The following IL5RA variants were observed in gnomAD, a reference collection of about 807,000 sequenced individuals.
The protein encoded by IL5RA is interleukin-5 receptor subunit alpha.
Under a neutral mutation model 50.0 loss-of-function variants are expected in IL5RA, and 49 were observed. The ratio of observed to expected loss-of-function variants is 0.98; its 90% CI spans 0.78 to 1.24. The LOEUF (loss-of-function observed/expected upper bound fraction) is 1.24, where lower values mean the gene tolerates loss of function less well. Among genes scored for constraint, IL5RA ranks in the 50% most tolerant of loss-of-function variants. The pLI, the probability that IL5RA is intolerant of heterozygous loss-of-function variation, is 0.00. For missense variants in IL5RA, 600 were observed against 500.4 expected, an observed-to-expected ratio of 1.20 and a Z score of -1.90; for synonymous variants, 202 against 174.0, an observed-to-expected ratio of 1.16 and a Z score of -1.26.
intron 2 of IL5RA, 139 bp from the exon 3 acceptor site, chr3:3,105,126 A>G: frequency 1.7e-6 from 1 of 597,202 alleles, no homozygotes; most frequent in Admixed American, 2.9e-5. Context: ...CAAAAAGTAC[A>G]AACATGACCA....
chr3:3,095,617 A>G (rs1440289687), intron 7 of IL5RA, among the ~76,000 whole-genome samples, 173 bp from the exon 8 acceptor site: 3 of 152,162 alleles, frequency 2.0e-5, no homozygotes, highest in Non-Finnish European at 2.9e-5. Context: ...GTGGCCTCCC[A>G]TAATACTCTT....
chr3:3,087,409 A>G (rs1447109270), intron 9 of IL5RA, among the ~76,000 whole-genome samples: 1 of 152,164 alleles, frequency 6.6e-6, no homozygotes, highest in Non-Finnish European at 1.5e-5. Flanking sequence ...AGCCTCTCCC[A>G]GCTCACCTTA....
At chr3:3,103,441 A>G (rs569711151) in intron 3 of IL5RA, among the ~76,000 whole-genome samples, 1 of 152,364 alleles carries the variant, frequency 6.6e-6, no homozygotes, top group African/African-American at 2.4e-5. Context: ...ATCAAACATA[A>G]TAAGAGCTGT....
chr3:3,068,871 A>C lies in IL5RA; in HGVS notation c.*1354T>G, dbSNP rs1702209163. 1 of 152,188 alleles carries C rather than the reference A, an allele frequency of 6.6e-6. No individual in the cohort carries two copies. The highest frequency in any genetic ancestry group is 1.5e-5 in the Non-Finnish European group (1 of 68,038). The allele number at this position is 152,188 out of a possible 1,614,324, so 9.4% of individuals were successfully genotyped here. A position where few individuals can be genotyped will look rare whatever the true frequency, so the allele number is the denominator to read the frequency against. ...ATGGGACAGTAATACAGATTACTAT[A>C]AGACAGTGCAGGCTTGTCAAGATTC... On this transcript the variant is annotated 3_prime_UTR_variant, in exon 12 of 12. Coordinates refer to ENST00000446632, the MANE Select transcript of IL5RA (RefSeq NM_175726.4).
chr3:3,095,471 A>ATTTT, intron 7 of IL5RA, 27 bp from the exon 8 acceptor site: 2 of 1,299,930 alleles, frequency 1.5e-6, no homozygotes, highest in Non-Finnish European at 2.1e-6. Flanking sequence ...AAGATCAGTG[A>ATTTT]TTTTTTTTTT....
intron 2 of IL5RA, among the ~76,000 whole-genome samples, chr3:3,107,203 G>A (rs910434357): frequency 6.6e-6 from 1 of 151,760 alleles, no homozygotes; most frequent in African/African-American, 2.4e-5. Flanking sequence ...TGTCCTATAG[G>A]CAGCACAAGG....
At chr3:3,071,255 G>C (rs576427225) in intron 11 of IL5RA, among the ~76,000 whole-genome samples, 1 of 152,212 alleles carries the variant, frequency 6.6e-6, no homozygotes, top group South Asian at 2.1e-4. Flanking sequence ...AATAGTTTAC[G>C]GGCAACCTAA....
Position 3,097,901 on chromosome 3 carries a change from G to A in IL5RA, c.678C>T (p.Pro226=), listed in dbSNP as rs1192239165. 2.5e-6 allele frequency: 4 copies of A among 1,614,102 alleles called. No homozygotes were observed. The highest frequency in any genetic ancestry group is 1.1e-5 in the South Asian group (1 of 91,068). The part of the protein sequence containing the change: ...NGSSKHSAIR[P]FDQLFALHAI... ...CGTGAAGGGCAAACAGCTGATCAAA[G>A]GGCCTGATAGCAGAGTGCTTGCTGG... The change falls in exon 7 of 12, where the codon CCC becomes CCT. Residue 226 remains proline, a synonymous_variant. Transcript: ENST00000446632.
chr3:3,098,342 T>C, intron 5 of IL5RA, 52 bp from the exon 6 acceptor site: 1 of 1,502,914 alleles, frequency 6.7e-7, no homozygotes, highest in Non-Finnish European at 9.2e-7. Context: ...AAACTCTGAA[T>C]TTCATGCTTC....
intron 9 of IL5RA, among the ~76,000 whole-genome samples, chr3:3,078,112 G>A (rs896372975): frequency 3.3e-5 from 5 of 152,118 alleles, no homozygotes; most frequent in Admixed American, 6.5e-5. Flanking sequence ...AATGACGAGC[G>A]TGCTAAATAC....
intron 9 of IL5RA, among the ~76,000 whole-genome samples, chr3:3,081,011 T>G (rs13075797): frequency 0.14 from 21,201 of 152,078 alleles, 1,608 homozygotes; most frequent in East Asian, 0.27. Flanking sequence ...GCTATAGTAT[T>G]TTTTTTCAAG....
At chr3:3,099,658 T>TTTATTATTATCA (rs1703545981) in intron 5 of IL5RA, among the ~76,000 whole-genome samples, 1 of 144,280 alleles carries the variant, frequency 6.9e-6, no homozygotes, top group Non-Finnish European at 1.5e-5. Flanking sequence ...TTTTATTTTA[T>TTTATTATTATCA]TTATTATTAT....
chr3:3,106,930 T>G (rs1703950311), intron 2 of IL5RA, among the ~76,000 whole-genome samples: 1 of 152,192 alleles, frequency 6.6e-6, no homozygotes, highest in African/African-American at 2.4e-5. Flanking sequence ...CATGTATTTA[T>G]CCTTTGCAAT....
chr3:3,089,971 G>A (rs1703021350), intron 9 of IL5RA: 1 of 448,804 alleles, frequency 2.2e-6, no homozygotes, highest in Non-Finnish European at 4.0e-6. Flanking sequence ...GCAGAATCCT[G>A]TCCCACCATG....
At chr3:3,083,051 G>A (rs770137709) in intron 9 of IL5RA, among the ~76,000 whole-genome samples, 26 of 152,308 alleles carry the variant, frequency 1.7e-4, no homozygotes, top group Non-Finnish European at 2.6e-4. Flanking sequence ...AACAGGGTTG[G>A]ATAATTGAGA....
chr3:3,099,266 C>A (rs756365483), intron 5 of IL5RA, among the ~76,000 whole-genome samples: 2 of 152,128 alleles, frequency 1.3e-5, no homozygotes, highest in Non-Finnish European at 2.9e-5. Flanking sequence ...GAGGCCAAGG[C>A]GGGTGGATAT....
rs544281244 is a variant in IL5RA at position 3,069,459 on chromosome 3, T to C, written c.*766A>G. 1 of 152,360 alleles carries C rather than the reference T, an allele frequency of 6.6e-6. No individual in the cohort carries two copies. Among genetic ancestry groups the C allele is most frequent in the African/African-American group, 2.4e-5 (1 of 41,590 alleles). The allele number at this position is 152,360 out of a possible 1,614,324, so 9.4% of individuals were successfully genotyped here. ...CCTTTCATGATTGAATTATGCTCAATGACTTCCTCAGCACATTTCCAGAAT... is the reference window on the plus strand; with the variant it reads ...CCTTTCATGATTGAATTATGCTCAACGACTTCCTCAGCACATTTCCAGAAT... On this transcript the variant is annotated 3_prime_UTR_variant, in exon 12 of 12. Transcript: ENST00000446632.
chr3:3,096,994 T>C (rs1405399782), intron 7 of IL5RA, among the ~76,000 whole-genome samples: 1 of 152,190 alleles, frequency 6.6e-6, no homozygotes, highest in Non-Finnish European at 1.5e-5. Context: ...GATCAGCTTG[T>C]CCAAGGTCAC....
intron 7 of IL5RA, 103 bp from the exon 8 acceptor site, chr3:3,095,547 C>T (rs533697367): frequency 2.1e-6 from 2 of 969,884 alleles, no homozygotes; most frequent in South Asian, 2.9e-5. Context: ...CTAAGATACG[C>T]TTTTTTCAAA....
Sources: allele counts gnomAD v4.1 joint callset (sites outside exome capture counted in the v4.1 genomes callset), GRCh38; gene constraint gnomAD v4.1.1; transcripts MANE v1.5; gene names NCBI Gene and HGNC (gene_info 2026-07-23, HGNC 2026-07-21).